The following IMPACT variants were observed in gnomAD, a reference collection of about 807,000 sequenced individuals.
The protein encoded by IMPACT is protein IMPACT.
In IMPACT, 35 loss-of-function variants were observed where a neutral mutation model predicts 47.5. That is an observed-to-expected ratio of 0.74 (90% CI 0.56 to 0.98). The LOEUF is 0.98. Among genes scored for constraint, IMPACT ranks in the 50% least tolerant of loss-of-function variants. IMPACT has a pLI of 0.00. For synonymous variants in IMPACT, 118 were observed against 125.6 expected, an observed-to-expected ratio of 0.94 and a Z score of 0.40; for missense variants, 373 against 394.8, an observed-to-expected ratio of 0.94 and a Z score of 0.47.
At position 24,443,097 on chromosome 18, in the gene IMPACT, C is replaced by T. The variant is rs1435472465; in HGVS notation, c.539C>T (p.Thr180Ile). 6 of 1,608,138 alleles carry T rather than the reference C, an allele frequency of 3.7e-6. No individual in the cohort carries two copies. Among genetic ancestry groups the T allele is most frequent in the Non-Finnish European group, 5.1e-6 (6 of 1,176,210 alleles). Residue 180 changes from threonine to isoleucine, a missense_variant, in exon 7 of 11, where the codon ACA (threonine) becomes ATA (isoleucine). Thr to Ile is a moderately conservative substitution (Grantham distance 89, BLOSUM62 -1). Coordinates refer to ENST00000284202, the MANE Select transcript of IMPACT (RefSeq NM_018439.4). ...CCGATTGATCATGGCATTCCTATTACAGACCGAAGAAGTACTTTTCAGGCA... is the reference window on the plus strand; with the variant it reads ...CCGATTGATCATGGCATTCCTATTATAGACCGAAGAAGTACTTTTCAGGCA... ...LPPIDHGIPI[T>I]DRRSTFQAHL...
At chr18:24,434,848 GTATATATATGTGTATATATATGTGTA>G (rs1908873543) in intron 4 of IMPACT, among the ~76,000 whole-genome samples, 2 of 133,100 alleles carry the variant, frequency 1.5e-5, no homozygotes, top group Non-Finnish European at 3.0e-5. Context: ...ATATATGTGT[GTATATATATGTGTATATATATGTGTA>G]TATATATGTG....
At chr18:24,441,257 C>T (rs1568088403) in intron 6 of IMPACT, among the ~76,000 whole-genome samples, 1 of 152,110 alleles carries the variant, frequency 6.6e-6, no homozygotes, top group Non-Finnish European at 1.5e-5. Context: ...TGCAGTGGCA[C>T]GATCTCAGTT....
intron 2 of IMPACT, 78 bp from the exon 3 acceptor site, chr18:24,428,791 C>T (rs1908676376): frequency 1.8e-6 from 2 of 1,103,638 alleles, no homozygotes; most frequent in Non-Finnish European, 2.6e-6. Context: ...CTTTTTTGTC[C>T]AGTTGCTAGC....
intron 4 of IMPACT, chr18:24,435,331 T>C (rs1406514624): frequency 1.3e-5 from 2 of 152,158 alleles, no homozygotes; most frequent in South Asian, 2.1e-4. Context: ...TAACTTTTGA[T>C]AAAACAAAAA....
At chr18:24,441,950 T>C (rs1253324702) in intron 6 of IMPACT, among the ~76,000 whole-genome samples, 2 of 152,232 alleles carry the variant, frequency 1.3e-5, no homozygotes, top group African/African-American at 4.8e-5. Context: ...ATATTGACCC[T>C]AATACTGTAT....
chr18:24,449,816 CAG>C lies in IMPACT; in HGVS notation c.760-1_760del, dbSNP rs1210294742. The C allele has an allele frequency of 1.9e-6, 3 of 1,610,464 alleles. No individual in the cohort carries two copies. Among genetic ancestry groups the C allele is most frequent in the Non-Finnish European group, 2.5e-6 (3 of 1,178,140 alleles). ...ATCTAATTATGCTTCCAAAAAATAA[CAG>C]ATTTTGAATGTGAAGAATGTCATGG... On this transcript the variant is annotated splice_acceptor_variant, in intron 9 of 10. Coordinates refer to ENST00000284202, the MANE Select transcript of IMPACT (RefSeq NM_018439.4). LOFTEE classifies it high-confidence loss of function.
chr18:24,441,300 C>G (rs1022677653), intron 6 of IMPACT, among the ~76,000 whole-genome samples: 1 of 152,182 alleles, frequency 6.6e-6, no homozygotes, highest in African/African-American at 2.4e-5. Flanking sequence ...TTCAGTGATT[C>G]TCCTGCCTCA....
chr18:24,428,860 G>A lies in IMPACT; in HGVS notation c.166-9G>A, dbSNP rs754409828. 2 of 1,608,470 alleles carry A rather than the reference G, an allele frequency of 1.2e-6. No individual in the cohort carries two copies. The highest frequency in any genetic ancestry group is 1.7e-5 in the Admixed American group (1 of 59,346). On this transcript the variant is annotated splice_polypyrimidine_tract_variant and intron_variant, in intron 2 of 10. Coordinates refer to ENST00000284202, the MANE Select transcript of IMPACT (RefSeq NM_018439.4). ...AGTGTAAACAGATGTTTTTGAACCT[G>A]CATTGTAGGTGATGCTGCCGAATGA...
At chr18:24,431,456 TTTA>T (rs1568085340) in intron 4 of IMPACT, among the ~76,000 whole-genome samples, 1 of 152,146 alleles carries the variant, frequency 6.6e-6, no homozygotes, top group Non-Finnish European at 1.5e-5. Flanking sequence ...AGATTCTGTC[TTTA>T]TACTAAGAAT....
chr18:24,450,650 T>C (rs1231905055), intron 10 of IMPACT, 129 bp from the exon 11 acceptor site: 9 of 584,852 alleles, frequency 1.5e-5, no homozygotes, highest in Admixed American at 3.3e-5. Context: ...CTGTAACATA[T>C]ATACATACAT....
At position 24,451,014 on chromosome 18, in the gene IMPACT, A is replaced by G. The variant is rs1416967330; in HGVS notation, c.*167A>G. 3.5e-5 allele frequency: 18 copies of G among 510,754 alleles called. No individual in the cohort carries two copies. In the Middle Eastern group the frequency reaches 2.0e-3, roughly 57 times the overall value. 31.6% of individuals were successfully genotyped at this position (510,754 alleles called of 1,614,324 possible). ...CTTGGTTATATCATCTGCCAAAAATAGAGAACTTATGATCTATTCATGTGT... is the reference window on the plus strand; with the variant it reads ...CTTGGTTATATCATCTGCCAAAAATGGAGAACTTATGATCTATTCATGTGT... On this transcript the variant is annotated 3_prime_UTR_variant, in exon 11 of 11. Transcript: ENST00000284202.
intron 4 of IMPACT, among the ~76,000 whole-genome samples, chr18:24,433,478 C>T (rs982166205): frequency 4.6e-5 from 7 of 150,736 alleles, no homozygotes; most frequent in South Asian, 2.1e-4. Context: ...GGATTACAGG[C>T]GTGAGCCACC....
At chr18:24,432,274 T>C (rs1482504543) in intron 4 of IMPACT, among the ~76,000 whole-genome samples, 1 of 152,212 alleles carries the variant, frequency 6.6e-6, no homozygotes, top group Admixed American at 6.5e-5. Flanking sequence ...AGAGGAAATA[T>C]CTATGATTTA....
intron 9 of IMPACT, among the ~76,000 whole-genome samples, chr18:24,448,714 CTGTTT>C (rs1909306680): frequency 6.6e-6 from 1 of 151,914 alleles, no homozygotes; most frequent in Non-Finnish European, 1.5e-5. Context: ...ATATCCTGTT[CTGTTT>C]TATGGCTCCA....
At chr18:24,435,515 T>G (rs1300512349) in intron 4 of IMPACT, 1 of 152,226 alleles carries the variant, frequency 6.6e-6, no homozygotes, top group Non-Finnish European at 1.5e-5. Context: ...CGATGTATCA[T>G]GGCATGTTAG....
intron 7 of IMPACT, 38 bp from the exon 8 acceptor site, chr18:24,445,355 T>C (rs2144347160): frequency 8.2e-7 from 1 of 1,223,350 alleles, no homozygotes. Flanking sequence ...AGAGCAAATA[T>C]AAAAAGCATA....
At chr18:24,442,727 AATTATAT>A (rs1909147555) in intron 6 of IMPACT, among the ~76,000 whole-genome samples, 1 of 152,208 alleles carries the variant, frequency 6.6e-6, no homozygotes, top group Non-Finnish European at 1.5e-5. Flanking sequence ...CACTCTTAAA[AATTATAT>A]ATTAGATATT....
intron 5 of IMPACT, among the ~76,000 whole-genome samples, chr18:24,438,512 T>C (rs1465636460): frequency 3.3e-5 from 5 of 152,228 alleles, no homozygotes; most frequent in African/African-American, 1.2e-4. Flanking sequence ...CTTATAACCT[T>C]GACACTTATG....
At chr18:24,446,556 A>G (rs1336963046) in intron 8 of IMPACT, among the ~76,000 whole-genome samples, 2 of 152,188 alleles carry the variant, frequency 1.3e-5, no homozygotes, top group East Asian at 1.9e-4. Context: ...ATAAATCAGA[A>G]CACAGGGACT....
Sources: gnomAD v4.1 joint callset for allele counts (sites outside exome capture counted in the v4.1 genomes callset) on GRCh38, gnomAD v4.1.1 for gene constraint, MANE v1.5 for transcripts, NCBI Gene and HGNC (gene_info 2026-07-23, HGNC 2026-07-21) for gene names.